Variants in DZIP3 observed in about 807,000 individuals in gnomAD.
The protein encoded by DZIP3 is E3 ubiquitin-protein ligase DZIP3.
A neutral mutation model predicts 162.0 loss-of-function variants in DZIP3; 118 were observed. The observed-to-expected ratio is 0.73, with a 90% CI of 0.63 to 0.85. The LOEUF is 0.85. Among genes scored for constraint, DZIP3 ranks in the 40% least tolerant of loss-of-function variants. The pLI is 0.00. For synonymous variants in DZIP3, 438 were observed against 458.6 expected, an observed-to-expected ratio of 0.96 and a Z score of 0.57; for missense variants, 1,331 against 1,407.0, an observed-to-expected ratio of 0.95 and a Z score of 0.86.
chr3:108,666,630 C>A (rs1422582792), intron 21 of DZIP3, among the ~76,000 whole-genome samples: 1 of 152,076 alleles, frequency 6.6e-6, no homozygotes, highest in Admixed American at 6.6e-5. Flanking sequence ...CCAAGATAGA[C>A]AATAACCTGG....
chr3:108,599,887 G>C (rs1939908392), intron 1 of DZIP3, among the ~76,000 whole-genome samples: 1 of 152,158 alleles, frequency 6.6e-6, no homozygotes, highest in Non-Finnish European at 1.5e-5. Flanking sequence ...CTCCGGAACT[G>C]TGAGAAATAA....
At chr3:108,664,864 G>T (rs530312686) in intron 21 of DZIP3, among the ~76,000 whole-genome samples, 1 of 152,204 alleles carries the variant, frequency 6.6e-6, no homozygotes, top group Non-Finnish European at 1.5e-5. Context: ...TGGACTGGGA[G>T]GGGAGCTGAA....
At chr3:108,591,231 A>C (rs1385191955) in intron 1 of DZIP3, among the ~76,000 whole-genome samples, 1 of 152,234 alleles carries the variant, frequency 6.6e-6, no homozygotes, top group African/African-American at 2.4e-5. Context: ...GCTAGTGTAG[A>C]AAGAACGAGG....
chr3:108,637,863 C>T (rs1942228951), intron 12 of DZIP3, among the ~76,000 whole-genome samples: 1 of 152,060 alleles, frequency 6.6e-6, no homozygotes, highest in East Asian at 1.9e-4. Flanking sequence ...AAAACTTATC[C>T]AAACCACTAA....
chr3:108,627,816 C>T (rs962088215), intron 7 of DZIP3, among the ~76,000 whole-genome samples: 3 of 152,080 alleles, frequency 2.0e-5, no homozygotes, highest in Admixed American at 2.0e-4. Flanking sequence ...TGGGCAAGGG[C>T]TCTGTTTTCT....
chr3:108,626,280 T>A (rs72943589), intron 7 of DZIP3, among the ~76,000 whole-genome samples: 5 of 152,328 alleles, frequency 3.3e-5, no homozygotes, highest in African/African-American at 1.2e-4. Flanking sequence ...TTAAGCCTTA[T>A]ATTTTTTTCT....
intron 17 of DZIP3, among the ~76,000 whole-genome samples, chr3:108,650,028 A>G (rs1257547981): frequency 6.6e-6 from 1 of 151,842 alleles, no homozygotes; most frequent in Non-Finnish European, 1.5e-5. Context: ...CTAATACTAC[A>G]TAAAACTGGC....
intron 17 of DZIP3, among the ~76,000 whole-genome samples, chr3:108,649,473 T>C (rs2107660608): frequency 6.6e-6 from 1 of 152,006 alleles, no homozygotes; most frequent in Middle Eastern, 3.4e-3. Context: ...AGTCAGTATC[T>C]AGCACAGTTT....
intron 7 of DZIP3, among the ~76,000 whole-genome samples, chr3:108,626,614 T>G (rs1363607634): frequency 6.6e-6 from 1 of 152,206 alleles, no homozygotes; most frequent in Non-Finnish European, 1.5e-5. Flanking sequence ...TCATTCATTT[T>G]ATTTACTAAG....
At chr3:108,635,088 CCT>C in intron 10 of DZIP3, 116 bp downstream of exon 10, 1 of 582,544 alleles carries the variant, frequency 1.7e-6, no homozygotes, top group Non-Finnish European at 3.0e-6. Context: ...TTTACTTCCT[CCT>C]TTTTTTCTTT....
intron 8 of DZIP3, among the ~76,000 whole-genome samples, chr3:108,631,510 G>A (rs867570609): frequency 4.7e-5 from 7 of 150,440 alleles, no homozygotes; most frequent in African/African-American, 1.7e-4. Context: ...CCAAGTAGCT[G>A]GGACTACAGG....
chr3:108,685,522 G>C (rs10804469), intron 27 of DZIP3, among the ~76,000 whole-genome samples: 31,166 of 151,974 alleles, frequency 0.21, 3,791 homozygotes, highest in East Asian at 0.45. Context: ...GTAATCAGAT[G>C]AGCACTCCAA....
intron 19 of DZIP3, among the ~76,000 whole-genome samples, chr3:108,659,617 A>C (rs1385194999): frequency 6.6e-6 from 1 of 151,840 alleles, no homozygotes; most frequent in Non-Finnish European, 1.5e-5. Flanking sequence ...TATTCAACAT[A>C]GTGTTGGAAG....
chr3:108,673,153 G>A (rs916926041), intron 23 of DZIP3, among the ~76,000 whole-genome samples: 4 of 151,914 alleles, frequency 2.6e-5, no homozygotes, highest in African/African-American at 9.7e-5. Context: ...ATGTGTGTAT[G>A]TAATTTTTAT....
At chr3:108,654,411 T>C in intron 19 of DZIP3, 101 bp downstream of exon 19, 2 of 1,294,958 alleles carry the variant, frequency 1.5e-6, no homozygotes, top group Non-Finnish European at 2.2e-6. Context: ...CAGTGGTTTA[T>C]ACTGTTTGTG....
intron 21 of DZIP3, among the ~76,000 whole-genome samples, chr3:108,668,536 G>C (rs185415616): frequency 1.3e-5 from 2 of 151,950 alleles, no homozygotes; most frequent in African/African-American, 4.8e-5. Flanking sequence ...AAATATTGAA[G>C]TAATGGAAGT....
At chr3:108,675,162 A>G (rs941823113) in intron 24 of DZIP3, among the ~76,000 whole-genome samples, 40 of 151,612 alleles carry the variant, frequency 2.6e-4, no homozygotes, top group Non-Finnish European at 8.8e-5. Context: ...TCTCTTTTCT[A>G]GAGATAATAG....
At chr3:108,611,375 A>T in intron 4 of DZIP3, 46 bp downstream of exon 4, 1 of 1,589,410 alleles carries the variant, frequency 6.3e-7, no homozygotes, top group Non-Finnish European at 8.5e-7. Context: ...AGCTGTCTGT[A>T]TATGACTTTT....
chr3:108,642,571 C>G, intron 13 of DZIP3, 57 bp downstream of exon 13: 1 of 1,389,948 alleles, frequency 7.2e-7, no homozygotes, highest in South Asian at 1.4e-5. Flanking sequence ...TTTTTGACTT[C>G]TCTGTCAACT....
Sources: allele counts gnomAD v4.1 joint callset (sites outside exome capture counted in the v4.1 genomes callset), GRCh38; gene constraint gnomAD v4.1.1; transcripts MANE v1.5; gene names NCBI Gene and HGNC (gene_info 2026-07-23, HGNC 2026-07-21).